Variants in TNR observed in about 807,000 individuals in gnomAD.
TNR encodes the protein tenascin R, also known as tenascin-R.
TNR carries 45 observed loss-of-function variants against 150.4 expected under a neutral mutation model. That is an observed-to-expected ratio of 0.30 (90% CI 0.24 to 0.38). TNR has a LOEUF of 0.38. Among genes scored for constraint, TNR ranks in the 10% least tolerant of loss-of-function variants. TNR has a pLI of 1.00. For missense variants in TNR, 1,544 were observed against 1,759.1 expected, an observed-to-expected ratio of 0.88 and a Z score of 2.19; for synonymous variants, 687 against 678.4, an observed-to-expected ratio of 1.01 and a Z score of -0.20.
intron 4 of TNR, among the ~76,000 whole-genome samples, chr1:175,402,160 A>G (rs1442527860): frequency 6.7e-6 from 1 of 149,150 alleles, no homozygotes; most frequent in Non-Finnish European, 1.5e-5. Context: ...ACAAAAAATT[A>G]GCCGGGCGCG....
chr1:175,621,456 AT>A (rs1558041170), intron 1 of TNR, among the ~76,000 whole-genome samples: 1 of 152,080 alleles, frequency 6.6e-6, no homozygotes, highest in South Asian at 2.1e-4. Context: ...CCTGAGGTAC[AT>A]TTCAGGACGC....
At chr1:175,544,894 AG>A (rs1159488416) in intron 1 of TNR, among the ~76,000 whole-genome samples, 19 of 152,308 alleles carry the variant, frequency 1.2e-4, no homozygotes, top group African/African-American at 4.1e-4. Context: ...ATAGAATGTG[AG>A]CAAAGGTGAT....
intron 1 of TNR, among the ~76,000 whole-genome samples, chr1:175,662,053 A>G (rs1337915895): frequency 1.3e-5 from 2 of 152,072 alleles, no homozygotes; most frequent in African/African-American, 4.8e-5. Context: ...GCCTGTCTTC[A>G]TGTTTTAGGA....
rs1325582834 is a variant in TNR, at chr1:175,373,787, C to T, written c.1963+5765G>A. Among the ~76,000 whole-genome samples, 14 of 152,234 alleles carry T rather than the reference C, an allele frequency of 9.2e-5. No individual in the cohort carries two copies. The East Asian group carries it at 2.1e-3, about 23-fold the overall frequency. On this transcript the variant is annotated intron_variant, in intron 9 of 22. Transcript: ENST00000367674. ...GCTGAAATATTCCCACCTGGCTTTT[C>T]CCCCAGCCCCCTTATCCCCAGCCTT...
chr1:175,586,016 T>C (rs1446850972), intron 1 of TNR, among the ~76,000 whole-genome samples: 1 of 152,200 alleles, frequency 6.6e-6, no homozygotes, highest in Non-Finnish European at 1.5e-5. Context: ...GAAGCTTTGA[T>C]CTAAAATAAG....
At chr1:175,484,036 G>T (rs925219266) in intron 2 of TNR, among the ~76,000 whole-genome samples, 1 of 152,192 alleles carries the variant, frequency 6.6e-6, no homozygotes, top group Non-Finnish European at 1.5e-5. Flanking sequence ...GGACAAGAAC[G>T]TTGTTTGCCT....
intron 1 of TNR, among the ~76,000 whole-genome samples, chr1:175,602,510 T>C (rs748318390): frequency 6.6e-6 from 1 of 152,236 alleles, no homozygotes; most frequent in South Asian, 2.1e-4. Context: ...AACAAACAGA[T>C]GCATACTTGT....
At chr1:175,402,313 C>CAAAAA (rs149037374) in intron 4 of TNR, among the ~76,000 whole-genome samples, 2 of 41,670 alleles carry the variant, frequency 4.8e-5, no homozygotes, top group South Asian at 1.6e-3. Context: ...GACTCCGTCT[C>CAAAAA]AAAAAAAAAA....
chr1:175,715,308 G>A (rs140216551), intron 1 of TNR, among the ~76,000 whole-genome samples: 143 of 152,180 alleles, frequency 9.4e-4, no homozygotes, highest in African/African-American at 3.0e-3. Flanking sequence ...TTTATTTAGG[G>A]TATGAAGGGC....
At chr1:175,447,979 A>G (rs866484144) in intron 2 of TNR, among the ~76,000 whole-genome samples, 1 of 152,186 alleles carries the variant, frequency 6.6e-6, no homozygotes, top group Admixed American at 6.5e-5. Context: ...TGTTATTATT[A>G]TTACTATCAG....
intron 1 of TNR, among the ~76,000 whole-genome samples, chr1:175,553,772 C>A (rs1207401718): frequency 6.7e-6 from 1 of 150,270 alleles, no homozygotes; most frequent in South Asian, 2.1e-4. Context: ...CACACACATT[C>A]GTGTAGATAT....
chr1:175,647,513 G>A (rs886817644), intron 1 of TNR, among the ~76,000 whole-genome samples: 2 of 151,906 alleles, frequency 1.3e-5, no homozygotes, highest in African/African-American at 4.8e-5. Context: ...AGGGAAGAGG[G>A]GAAGCTGGAG....
intron 1 of TNR, among the ~76,000 whole-genome samples, chr1:175,729,880 G>A (rs1290767432): frequency 6.6e-6 from 1 of 152,096 alleles, no homozygotes; most frequent in African/African-American, 2.4e-5. Flanking sequence ...TCTCGGACTT[G>A]GAGATCTTGC....
intron 1 of TNR, among the ~76,000 whole-genome samples, chr1:175,618,179 T>C (rs1474080335): frequency 6.6e-6 from 1 of 152,254 alleles, no homozygotes; most frequent in Non-Finnish European, 1.5e-5. Flanking sequence ...TGTATGGAAA[T>C]AGATCTGGAC....
intron 2 of TNR, among the ~76,000 whole-genome samples, chr1:175,435,981 C>A (rs377297854): frequency 6.6e-6 from 1 of 152,250 alleles, no homozygotes; most frequent in South Asian, 2.1e-4. Flanking sequence ...TCTCTTCTGG[C>A]TTGCAGAGTT....
rs1028790435 is a variant in TNR, at chr1:175,322,034, G to A, written c.*1323C>T. On this transcript the variant is annotated 3_prime_UTR_variant, in exon 23 of 23. Coordinates refer to ENST00000367674, the MANE Select transcript of TNR (RefSeq NM_003285.3). The stretch of plus-strand genomic sequence containing the variant: ...CTTCGGTTTGCAATTCAGAAAAAAA[G>A]AATCTGTGACAAATAGGACCAGAAA... The A allele has an allele frequency of 4.6e-5, 7 of 152,196 alleles. No homozygotes were observed. Among genetic ancestry groups the A allele is most frequent in the African/African-American group, 1.4e-4 (6 of 41,446 alleles). The allele number at this position is 152,196 out of a possible 1,614,324, so 9.4% of individuals were successfully genotyped here.
At chr1:175,499,011 G>A (rs1658611441) in intron 2 of TNR, among the ~76,000 whole-genome samples, 1 of 152,180 alleles carries the variant, frequency 6.6e-6, no homozygotes, top group Non-Finnish European at 1.5e-5. Context: ...CAACAAGAGA[G>A]GCAACATTAA....
At chr1:175,623,685 A>G (rs986740206) in intron 1 of TNR, among the ~76,000 whole-genome samples, 1 of 152,144 alleles carries the variant, frequency 6.6e-6, no homozygotes, top group Admixed American at 6.5e-5. Context: ...TCCTTTGCCA[A>G]CTCCTCTTTG....
chr1:175,511,260 C>CAAATTAATTTAA (rs1659162743), intron 2 of TNR, among the ~76,000 whole-genome samples: 1 of 152,164 alleles, frequency 6.6e-6, no homozygotes, highest in South Asian at 2.1e-4. Flanking sequence ...TTAAATAAAG[C>CAAATTAATTTAA]ATGTCAAATA....
Sources: gnomAD v4.1 joint callset for allele counts (sites outside exome capture counted in the v4.1 genomes callset) on GRCh38, gnomAD v4.1.1 for gene constraint, MANE v1.5 for transcripts, NCBI Gene and HGNC (gene_info 2026-07-23, HGNC 2026-07-21) for gene names.